Variants in KIF13B observed in about 807,000 individuals in gnomAD.
The protein encoded by KIF13B is kinesin-like protein KIF13B.
KIF13B carries 127 observed loss-of-function variants against 222.0 expected under a neutral mutation model. The observed-to-expected ratio is 0.57, with a 90% CI of 0.50 to 0.66. The LOEUF is 0.66. Among genes scored for constraint, KIF13B ranks in the 30% least tolerant of loss-of-function variants. The probability of loss-of-function intolerance (pLI) is 0.00; values close to 1 mark genes in which losing one functional copy is unlikely to be tolerated. For synonymous variants in KIF13B, 976 were observed against 919.0 expected, an observed-to-expected ratio of 1.06 and a Z score of -1.12; for missense variants, 2,173 against 2,379.0, an observed-to-expected ratio of 0.91 and a Z score of 1.80.
chr8:29,175,495 T>C (rs889933401), intron 10 of KIF13B, among the ~76,000 whole-genome samples: 4 of 152,222 alleles, frequency 2.6e-5, no homozygotes, highest in Admixed American at 1.3e-4. Context: ...TTCTTCTTTC[T>C]CACTTCCATT....
chr8:29,222,099 T>A lies in KIF13B; in HGVS notation c.149+23247A>T, dbSNP rs141390706. On this transcript the variant is annotated intron_variant, in intron 2 of 39. Coordinates refer to ENST00000524189, the MANE Select transcript of KIF13B (RefSeq NM_015254.4). ...CAGTGGCTCCCGACTACAATCCCAG[T>A]ACTTTGGGAGGCTGAGGTAGGAAGG... Among the ~76,000 whole-genome samples, 368 of 152,172 alleles carry A rather than the reference T, an allele frequency of 2.4e-3. 2 individuals are homozygous for A. Among genetic ancestry groups the A allele is most frequent in the African/African-American group, 8.4e-3 (350 of 41,498 alleles).
At chr8:29,188,433 C>A (rs1253128296) in intron 5 of KIF13B, 82 bp downstream of exon 5, 3 of 797,116 alleles carry the variant, frequency 3.8e-6, no homozygotes, top group Admixed American at 2.7e-5. Flanking sequence ...AATAAATCAG[C>A]AATGTTACTC....
Position 29,137,373 on chromosome 8 carries a change from C to A in KIF13B, c.2613+2690G>T, listed in dbSNP as rs577426643. 3.9e-5 allele frequency among the ~76,000 whole-genome samples: 6 copies of A among 152,306 alleles called. No individual in the cohort carries two copies. In the East Asian group the frequency reaches 1.2e-3, roughly 29 times the overall value. The stretch of plus-strand genomic sequence containing the variant: ...TTTTTGCACACAAAAACTATAACCA[C>A]CACAAGGTGTCAGAGTATCACAGAC... On this transcript the variant is annotated intron_variant, in intron 21 of 39. Coordinates refer to ENST00000524189, the MANE Select transcript of KIF13B (RefSeq NM_015254.4).
intron 1 of KIF13B, among the ~76,000 whole-genome samples, chr8:29,253,533 G>C (rs761179772): frequency 1.3e-5 from 2 of 152,010 alleles, no homozygotes; most frequent in Non-Finnish European, 2.9e-5. Flanking sequence ...TTCAGCCTGG[G>C]CAACAGAATG....
At chr8:29,107,813 G>T (rs1229194830) in intron 35 of KIF13B, among the ~76,000 whole-genome samples, 2 of 152,012 alleles carry the variant, frequency 1.3e-5, no homozygotes, top group Non-Finnish European at 2.9e-5. Flanking sequence ...GCCCTCCTTG[G>T]CCTCCCAAAG....
chr8:29,077,442 A>G (rs1586745120), intron 37 of KIF13B, among the ~76,000 whole-genome samples: 1 of 152,266 alleles, frequency 6.6e-6, no homozygotes, highest in African/African-American at 2.4e-5. Context: ...GTTCAAGGGT[A>G]TATTTCATGA....
intron 6 of KIF13B, among the ~76,000 whole-genome samples, chr8:29,183,438 C>T (rs1223626250): frequency 1.3e-5 from 2 of 152,082 alleles, no homozygotes; most frequent in Non-Finnish European, 2.9e-5. Context: ...AGGTATGAGC[C>T]ACCGTGCCCA....
chr8:29,174,805 GTTTTA>G (rs1210730495), intron 10 of KIF13B, among the ~76,000 whole-genome samples: 1 of 152,136 alleles, frequency 6.6e-6, no homozygotes, highest in African/African-American at 2.4e-5. Context: ...CGTAAAGAAT[GTTTTA>G]TTTTAACAAA....
At chr8:29,207,586 T>G (rs764533298) in intron 2 of KIF13B, among the ~76,000 whole-genome samples, 1 of 151,708 alleles carries the variant, frequency 6.6e-6, no homozygotes, top group Non-Finnish European at 1.5e-5. Flanking sequence ...AGTGTCCTGA[T>G]ACTCATCCAA....
intron 10 of KIF13B, among the ~76,000 whole-genome samples, chr8:29,173,942 C>CA (rs72309757): frequency 0.59 from 75,015 of 126,444 alleles, 20,763 homozygotes; most frequent in Middle Eastern, 0.72. Flanking sequence ...GGCTCCGTCT[C>CA]AAAAAAAAAA....
At chr8:29,144,038 A>C (rs941306684) in intron 18 of KIF13B, among the ~76,000 whole-genome samples, 58 of 147,448 alleles carry the variant, frequency 3.9e-4, no homozygotes, top group Non-Finnish European at 4.5e-4. Flanking sequence ...CACAAAGTTA[A>C]AAAAAAAAAA....
intron 23 of KIF13B, among the ~76,000 whole-genome samples, 182 bp from the exon 24 acceptor site, chr8:29,130,847 T>A (rs1226372954): frequency 1.3e-5 from 2 of 152,234 alleles, no homozygotes; most frequent in Admixed American, 6.5e-5. Context: ...AAAGCAAAGT[T>A]AAACTCACAA....
chr8:29,142,315 G>C lies in KIF13B; in HGVS notation c.2188-12C>G. The stretch of plus-strand genomic sequence containing the variant: ...AGAAGAGAGCCTCGCTGCAAAGAGA[G>C]TAAGAATGACCGTGAGAAACACACA... On this transcript the variant is annotated splice_polypyrimidine_tract_variant and intron_variant, in intron 18 of 39. Coordinates refer to ENST00000524189, the MANE Select transcript of KIF13B (RefSeq NM_015254.4). 1.2e-6 allele frequency: 2 copies of C among 1,606,242 alleles called. 1 individual carries two copies.
At chr8:29,226,321 C>G (rs1815023294) in intron 2 of KIF13B, among the ~76,000 whole-genome samples, 1 of 152,214 alleles carries the variant, frequency 6.6e-6, no homozygotes, top group Admixed American at 6.5e-5. Flanking sequence ...TTTTAGATGA[C>G]TGGAGCTAAA....
intron 36 of KIF13B, 59 bp downstream of exon 36, chr8:29,099,074 A>C (rs1430038624): frequency 7.5e-6 from 10 of 1,335,618 alleles, no homozygotes; most frequent in Non-Finnish European, 9.7e-6. Context: ...TTCTAATTTA[A>C]ACTTTCTGAA....
chr8:29,262,981 T>TC lies in KIF13B; in HGVS notation c.53dup (p.Glu19ArgfsTer3). Reference sequence around the variant, plus strand: ...GGCCCAGGAGGGCTCGGCTCTCACCTCGCCGGTTCATGGGTCGTATCCGCA... The same window carrying TC: ...GGCCCAGGAGGGCTCGGCTCTCACCTCCGCCGGTTCATGGGTCGTATCCGCA... On this transcript the variant is annotated frameshift_variant and splice_region_variant, in exon 1 of 40. Transcript: ENST00000524189. LOFTEE classifies it high-confidence loss of function. 6.3e-7 allele frequency: 1 copy of TC among 1,587,172 alleles called. No individual in the cohort carries two copies.
At chr8:29,191,869 G>T (rs1460427407) in intron 3 of KIF13B, among the ~76,000 whole-genome samples, 1 of 152,080 alleles carries the variant, frequency 6.6e-6, no homozygotes, top group East Asian at 1.9e-4. Flanking sequence ...TGTGTTTTGT[G>T]ATTTTTATCT....
chr8:29,256,225 C>T (rs1434309605), intron 1 of KIF13B, among the ~76,000 whole-genome samples: 1 of 152,202 alleles, frequency 6.6e-6, no homozygotes, highest in Non-Finnish European at 1.5e-5. Flanking sequence ...ACCCTAAAAC[C>T]TGCTTCTCCT....
rs1807323361 is a variant in KIF13B, at chr8:29,072,155, CAG to C, written c.4681_4682del (p.Leu1561GlufsTer2). On this transcript the variant is annotated frameshift_variant, in exon 39 of 40. Transcript: ENST00000524189. LOFTEE classifies it high-confidence loss of function. The stretch of plus-strand genomic sequence containing the variant: ...AGAAGTACCCGCTAGAGGCTTCACT[CAG>C]GGGGCTGGGGGGCCCGTCCTGTGCC... ...PEAQDGPPSP[L>X]SEASSGYFSH... 4 of 1,416,220 alleles carry C rather than the reference CAG, an allele frequency of 2.8e-6. No individual in the cohort carries two copies. Among genetic ancestry groups the C allele is most frequent in the Admixed American group, 3.0e-5 (1 of 33,374 alleles). The allele number at this position is 1,416,220 out of a possible 1,614,324, so 87.7% of individuals were successfully genotyped here. A position where few individuals can be genotyped will look rare whatever the true frequency, so the allele number is the denominator to read the frequency against.
Sources: gnomAD v4.1 joint callset for allele counts (sites outside exome capture counted in the v4.1 genomes callset) on GRCh38, gnomAD v4.1.1 for gene constraint, MANE v1.5 for transcripts, NCBI Gene and HGNC (gene_info 2026-07-23, HGNC 2026-07-21) for gene names.